GFRA1: variants seen among roughly 807,000 people sequenced by gnomAD.
GFRA1 encodes GDNF family receptor alpha-1.
Under a neutral mutation model 51.6 loss-of-function variants are expected in GFRA1, and 16 were observed. The observed-to-expected ratio is 0.31, with a 90% CI of 0.21 to 0.47. The LOEUF is 0.47. Ranked by LOEUF, GFRA1 falls within the 20% of genes least tolerant of loss-of-function variation. GFRA1 has a pLI of 1.00. For synonymous variants in GFRA1, 270 were observed against 241.3 expected (o/e 1.12, Z -1.10); for missense variants, 530 against 594.3 (o/e 0.89, Z 1.13).
chr10:116,071,262 C>T (rs1039707812), intron 9 of GFRA1, among the ~76,000 whole-genome samples: 43 of 152,168 alleles, frequency 2.8e-4, no homozygotes, highest in African/African-American at 9.9e-4. Flanking sequence ...CTACCTGCTC[C>T]CCCTGAAGAT....
chr10:116,219,924 T>C (rs1445709570), intron 4 of GFRA1, among the ~76,000 whole-genome samples: 2 of 152,196 alleles, frequency 1.3e-5, no homozygotes, highest in Non-Finnish European at 2.9e-5. Flanking sequence ...GGCAAAGCCA[T>C]TCACCTTCCC....
chr10:116,186,328 C>A (rs1417372504), intron 5 of GFRA1, among the ~76,000 whole-genome samples: 1 of 152,176 alleles, frequency 6.6e-6, no homozygotes, highest in Non-Finnish European at 1.5e-5. Context: ...CCCGAAGCAA[C>A]CTCCCCAAGG....
intron 5 of GFRA1, among the ~76,000 whole-genome samples, chr10:116,147,328 G>A (rs1032954848): frequency 2.6e-5 from 4 of 152,128 alleles, no homozygotes; most frequent in African/African-American, 9.7e-5. Flanking sequence ...AGTAGGAGGG[G>A]CAGCCTGACA....
chr10:116,065,147 T>G (rs1955040251), intron 10 of GFRA1, among the ~76,000 whole-genome samples: 1 of 152,128 alleles, frequency 6.6e-6, no homozygotes. Context: ...ACAGCAGAAT[T>G]TTCGGTCTCC....
chr10:116,252,604 G>C (rs1046768916), intron 4 of GFRA1, among the ~76,000 whole-genome samples: 1 of 152,162 alleles, frequency 6.6e-6, no homozygotes, highest in African/African-American at 2.4e-5. Flanking sequence ...GAGCAGCCAC[G>C]AAGTCAGAAA....
rs1589842123 is a variant in GFRA1 at position 116,171,016 on chromosome 10, T to C, written c.433+40615A>G. Among the ~76,000 whole-genome samples, 5 of 152,350 alleles carry C rather than the reference T, an allele frequency of 3.3e-5. No individual in the cohort carries two copies. The Middle Eastern group carries it at 0.014, about 415-fold the overall frequency. ...TGCAGGCTAATCTTTCTACGTTTACTTATAAAAGCTGTCAATTAGGAAAAC... is the reference window on the plus strand; with the variant it reads ...TGCAGGCTAATCTTTCTACGTTTACCTATAAAAGCTGTCAATTAGGAAAAC... On this transcript the variant is annotated intron_variant, in intron 5 of 10. Coordinates refer to ENST00000355422, the MANE Select transcript of GFRA1 (RefSeq NM_005264.8).
At chr10:116,187,761 G>A (rs1317324425) in intron 5 of GFRA1, among the ~76,000 whole-genome samples, 1 of 152,124 alleles carries the variant, frequency 6.6e-6, no homozygotes, top group African/African-American at 2.4e-5. Context: ...CAGTTGAAAT[G>A]TAACTGTTGA....
chr10:116,061,486 A>T lies in GFRA1; in HGVS notation c.*2912T>A, dbSNP rs1954816567. On this transcript the variant is annotated 3_prime_UTR_variant, in exon 11 of 11. Transcript: ENST00000355422. ...ACTCAAGCATGTATCGGTCAAAAATATTCAACATCAAAGTGGAATGAATGT... is the reference window on the plus strand; with the variant it reads ...ACTCAAGCATGTATCGGTCAAAAATTTTCAACATCAAAGTGGAATGAATGT... The T allele has an allele frequency of 6.6e-6, 1 of 152,654 alleles. No homozygotes were observed. Among genetic ancestry groups the T allele is most frequent in the Non-Finnish European group, 1.5e-5 (1 of 68,374 alleles). 9.5% of individuals were successfully genotyped at this position (152,654 alleles called of 1,614,324 possible).
At position 116,181,537 on chromosome 10, in the gene GFRA1, G is replaced by A. The variant is rs143473850; in HGVS notation, c.433+30094C>T. 2.2e-3 allele frequency among the ~76,000 whole-genome samples: 332 copies of A among 152,242 alleles called. 1 individual carries two copies. The highest frequency in any genetic ancestry group is 4.7e-3 in the Admixed American group (72 of 15,298). On this transcript the variant is annotated intron_variant, in intron 5 of 10. Transcript: ENST00000355422. ...TATAAAATGGCCACAATAATATCTC[G>A]ATGAGCTATTCATTTTTTCTTTTAA... is the stretch of plus-strand genomic sequence containing the variant.
chr10:116,141,968 A>G (rs1958589763), intron 5 of GFRA1, among the ~76,000 whole-genome samples: 1 of 152,184 alleles, frequency 6.6e-6, no homozygotes, highest in Admixed American at 6.5e-5. Flanking sequence ...TTCTTAGACA[A>G]GAGATGTGTA....
At chr10:116,125,675 T>C (rs768942382) in intron 5 of GFRA1, 118 bp from the exon 6 acceptor site, 62 of 807,012 alleles carry the variant, frequency 7.7e-5, no homozygotes, top group Non-Finnish European at 3.3e-5. Flanking sequence ...TAGAACTTAA[T>C]GAGTTTTGAA....
chr10:116,106,892 A>G (rs1260573293), intron 6 of GFRA1, among the ~76,000 whole-genome samples: 1 of 149,594 alleles, frequency 6.7e-6, no homozygotes, highest in East Asian at 2.0e-4. Flanking sequence ...CAGTTATTTA[A>G]AAGTGTGTGG....
chr10:116,114,794 G>GA (rs1037646681), intron 6 of GFRA1, among the ~76,000 whole-genome samples: 14 of 152,292 alleles, frequency 9.2e-5, no homozygotes, highest in Middle Eastern at 3.4e-3. Context: ...TTGGAAAAGT[G>GA]AAAGAGAAAG....
chr10:116,070,464 T>G (rs1202615264), intron 9 of GFRA1, among the ~76,000 whole-genome samples: 6 of 152,190 alleles, frequency 3.9e-5, no homozygotes, highest in Non-Finnish European at 8.8e-5. Context: ...TCAGTTTAAA[T>G]CTACATATTT....
rs1270285646 is a variant in GFRA1, at chr10:116,060,865, AG to A, written c.*3532del. 1 of 152,238 alleles carries A rather than the reference AG, an allele frequency of 6.6e-6. No homozygotes were observed. Among genetic ancestry groups the A allele is most frequent in the East Asian group, 1.9e-4 (1 of 5,196 alleles). The allele number at this position is 152,238 out of a possible 1,614,324, so 9.4% of individuals were successfully genotyped here. A position where few individuals can be genotyped will look rare whatever the true frequency, so the allele number is the denominator to read the frequency against. On this transcript the variant is annotated 3_prime_UTR_variant, in exon 11 of 11. Transcript: ENST00000355422. Reference sequence around the variant, plus strand: ...TATTTTCCAAAAGACAGCTCCTCTGAGGCCACAATTTTGTAAATAATAACAA... The same window carrying A: ...TATTTTCCAAAAGACAGCTCCTCTGAGCCACAATTTTGTAAATAATAACAA...
chr10:116,258,491 AAT>A (rs930055324), intron 4 of GFRA1, among the ~76,000 whole-genome samples: 13 of 149,066 alleles, frequency 8.7e-5, no homozygotes, highest in Admixed American at 7.4e-4. Flanking sequence ...TATATAATGT[AAT>A]ATATATATTA....
At chr10:116,120,172 G>C (rs1011503605) in intron 6 of GFRA1, among the ~76,000 whole-genome samples, 3 of 152,180 alleles carry the variant, frequency 2.0e-5, no homozygotes, top group African/African-American at 7.2e-5. Context: ...TCTCCAGCAG[G>C]GTCAAGAGAA....
chr10:116,200,837 G>A (rs1589867306), intron 5 of GFRA1, among the ~76,000 whole-genome samples: 2 of 152,132 alleles, frequency 1.3e-5, no homozygotes, highest in African/African-American at 2.4e-5. Flanking sequence ...TATGACTTTG[G>A]GGGAAACAAA....
At chr10:116,118,352 C>T (rs1437209407) in intron 6 of GFRA1, among the ~76,000 whole-genome samples, 2 of 152,192 alleles carry the variant, frequency 1.3e-5, no homozygotes, top group Non-Finnish European at 2.9e-5. Context: ...CTGATGCTCT[C>T]CTAAACCTTT....
Sources: allele counts gnomAD v4.1 joint callset (sites outside exome capture counted in the v4.1 genomes callset), GRCh38; gene constraint gnomAD v4.1.1; transcripts MANE v1.5; gene names NCBI Gene and HGNC (gene_info 2026-07-23, HGNC 2026-07-21).